STK3: variants seen among roughly 807,000 people sequenced by gnomAD.
STK3 encodes the protein serine/threonine-protein kinase 3.
In STK3, 41 loss-of-function variants were observed where a neutral mutation model predicts 58.0. The ratio of observed to expected loss-of-function variants is 0.71; its 90% CI spans 0.55 to 0.92. The LOEUF is 0.92. Ranked by LOEUF, STK3 falls within the 40% of genes least tolerant of loss-of-function variation. The probability of loss-of-function intolerance (pLI) is 0.00; values close to 1 mark genes in which losing one functional copy is unlikely to be tolerated. For synonymous variants in STK3, 170 were observed against 191.0 expected (o/e 0.89, Z 0.91); for missense variants, 479 against 602.7 (o/e 0.79, Z 2.15).
At chr8:98,694,456 C>T (rs1458576264) in intron 6 of STK3, among the ~76,000 whole-genome samples, 2 of 151,996 alleles carry the variant, frequency 1.3e-5, no homozygotes, top group African/African-American at 2.4e-5. Context: ...CCCATTAACT[C>T]GTCATTTAGC....
intron 8 of STK3, among the ~76,000 whole-genome samples, chr8:98,556,890 T>C (rs1451427169): frequency 6.6e-6 from 1 of 152,000 alleles, no homozygotes; most frequent in East Asian, 1.9e-4. Flanking sequence ...TCAAATATAA[T>C]GGATCAACAA....
chr8:98,922,619 CAAAT>C (rs1249106997), intron 1 of STK3, among the ~76,000 whole-genome samples: 12 of 152,190 alleles, frequency 7.9e-5, no homozygotes, highest in East Asian at 3.9e-4. Context: ...AAACAGGAAA[CAAAT>C]AAAAAGGGAT....
intron 6 of STK3, among the ~76,000 whole-genome samples, chr8:98,699,580 A>T (rs1035293037): frequency 2.6e-5 from 4 of 152,202 alleles, no homozygotes; most frequent in Non-Finnish European, 5.9e-5. Flanking sequence ...TCCTTCTAAC[A>T]GACAGGACCC....
intron 3 of STK3, among the ~76,000 whole-genome samples, chr8:98,394,806 T>C (rs1817883080): frequency 6.6e-6 from 1 of 152,234 alleles, no homozygotes; most frequent in South Asian, 2.1e-4. Flanking sequence ...TTACTTATAT[T>C]GGGTTCTCTT....
At chr8:98,835,131 A>C (rs1048923410) in intron 3 of STK3, among the ~76,000 whole-genome samples, 1 of 152,172 alleles carries the variant, frequency 6.6e-6, no homozygotes, top group African/African-American at 2.4e-5. Context: ...TTCCATACTC[A>C]TGACTCTCTG....
the STK3 span, among the ~76,000 whole-genome samples, chr8:98,348,322 A>AAAAG: frequency 6.6e-6 from 1 of 152,240 alleles, no homozygotes; most frequent in Non-Finnish European, 1.5e-5. Context: ...TAATAAAAGA[A>AAAAG]AAAGAAAGAA....
At chr8:98,453,326 A>C (rs1281601838), downstream of STK3, among the ~76,000 whole-genome samples, 1 of 151,932 alleles carries the variant, frequency 6.6e-6, no homozygotes, top group African/African-American at 2.4e-5. Context: ...TGACCTTGTG[A>C]TCTGCCTGCC....
chr8:98,618,914 C>T (rs1818011121), intron 6 of STK3, among the ~76,000 whole-genome samples: 1 of 150,140 alleles, frequency 6.7e-6, no homozygotes, highest in Admixed American at 6.6e-5. Context: ...GATTCAATGC[C>T]ATCCCCATCA....
chr8:98,404,613 G>C lies in STK3; in HGVS notation n.484-3100C>G, dbSNP rs1817975622. ...GAGAATGGCGTGAACCCGGGAGGCG[G>C]AGCTTGCAGTGAGCCGAGATGGTGC... On this transcript the variant is annotated intron_variant and non_coding_transcript_variant, in intron 3 of 3. Transcript: ENST00000517832. Among the ~76,000 whole-genome samples, 7 of 148,792 alleles carry C rather than the reference G, an allele frequency of 4.7e-5. No homozygotes were observed. The Admixed American group carries it at 4.7e-4, about 10-fold the overall frequency.
chr8:98,934,907 A>G (rs903742522), intron 1 of STK3, among the ~76,000 whole-genome samples: 2 of 130,586 alleles, frequency 1.5e-5, no homozygotes, highest in Non-Finnish European at 3.6e-5. Context: ...ACAGAGCGAG[A>G]CGCCGTCTCA....
At chr8:98,407,757 T>TGTGTGTGC (rs869119517) in intron 3 of STK3, among the ~76,000 whole-genome samples, 157 of 131,488 alleles carry the variant, frequency 1.2e-3, no homozygotes, top group African/African-American at 4.4e-3. Context: ...TGTGTGTGTG[T>TGTGTGTGC]GCGCGCGCGC....
chr8:98,550,529 T>A (rs1348220859), intron 8 of STK3, among the ~76,000 whole-genome samples: 1 of 152,162 alleles, frequency 6.6e-6, no homozygotes, highest in Admixed American at 6.6e-5. Flanking sequence ...AACTTCAATG[T>A]CTTCTTACAT....
chr8:98,367,970 T>C (rs1817579934), downstream of STK3, among the ~76,000 whole-genome samples: 1 of 152,204 alleles, frequency 6.6e-6, no homozygotes, highest in South Asian at 2.1e-4. Flanking sequence ...GCTGAATGCT[T>C]TGGTTGCTGG....
intron 6 of STK3, among the ~76,000 whole-genome samples, chr8:98,658,256 G>A (rs1821693836): frequency 1.3e-5 from 2 of 151,950 alleles, no homozygotes; most frequent in African/African-American, 2.4e-5. Flanking sequence ...TGGACTGTGC[G>A]GTAGAGAAAA....
chr8:98,627,496 G>GAAAAAAAA (rs71572020), intron 6 of STK3, among the ~76,000 whole-genome samples: 77 of 100,826 alleles, frequency 7.6e-4, no homozygotes, highest in South Asian at 1.2e-3. Flanking sequence ...AAAGAAAAAA[G>GAAAAAAAA]AAAAAAAAAA....
At chr8:98,893,286 G>T (rs1838267417) in intron 1 of STK3, among the ~76,000 whole-genome samples, 1 of 151,818 alleles carries the variant, frequency 6.6e-6, no homozygotes, top group Non-Finnish European at 1.5e-5. Context: ...CTACTCAGGA[G>T]GCTGAGGCAG....
At chr8:98,722,832 G>A (rs764040995) in intron 4 of STK3, 1 of 477,814 alleles carries the variant, frequency 2.1e-6, no homozygotes, top group Non-Finnish European at 4.1e-6. Context: ...AAAACACCAA[G>A]AGGGAGAAAA....
At chr8:98,397,846 T>C (rs1415665884), downstream of STK3, among the ~76,000 whole-genome samples, 1 of 152,166 alleles carries the variant, frequency 6.6e-6, no homozygotes, top group Non-Finnish European at 1.5e-5. Context: ...CTGTCTCTCC[T>C]GCTCCACCAT....
intron 8 of STK3, among the ~76,000 whole-genome samples, chr8:98,561,732 A>G (rs1812050365): frequency 6.6e-6 from 1 of 152,164 alleles, no homozygotes; most frequent in Non-Finnish European, 1.5e-5. Context: ...TGAAAAGGCA[A>G]ATCAAAAATG....
Sources: gnomAD v4.1 joint callset for allele counts (sites outside exome capture counted in the v4.1 genomes callset) on GRCh38, gnomAD v4.1.1 for gene constraint, MANE v1.5 for transcripts, NCBI Gene and HGNC (gene_info 2026-07-23, HGNC 2026-07-21) for gene names.